RPS6KA5: variants seen among roughly 807,000 people sequenced by gnomAD.
RPS6KA5 encodes ribosomal protein S6 kinase A5, also known as ribosomal protein S6 kinase alpha-5.
RPS6KA5 carries 27 observed loss-of-function variants against 85.5 expected under a neutral mutation model. The observed-to-expected ratio is 0.32, with a 90% CI of 0.23 to 0.44. RPS6KA5 has a LOEUF of 0.44. RPS6KA5 is among the 20% of genes least tolerant of loss of function. The pLI is 1.00. For synonymous variants in RPS6KA5, 334 were observed against 348.2 expected, an observed-to-expected ratio of 0.96 and a Z score of 0.46; for missense variants, 811 against 980.9, an observed-to-expected ratio of 0.83 and a Z score of 2.31.
chr14:91,054,309 A>G (rs540571401), intron 1 of RPS6KA5, among the ~76,000 whole-genome samples: 1 of 152,238 alleles, frequency 6.6e-6, no homozygotes, highest in East Asian at 1.9e-4. Flanking sequence ...CAAGAATAAA[A>G]TGAAAAAGAA....
chr14:91,031,674 C>G (rs2042194407), intron 1 of RPS6KA5, among the ~76,000 whole-genome samples: 3 of 151,924 alleles, frequency 2.0e-5, no homozygotes, highest in African/African-American at 7.3e-5. Context: ...AATGAAAAGA[C>G]TGGGGTAATT....
chr14:90,906,679 G>A lies in RPS6KA5; in HGVS notation c.807-380C>T, dbSNP rs1036298494. 4.6e-5 allele frequency among the ~76,000 whole-genome samples: 7 copies of A among 152,062 alleles called. No homozygotes were observed. In the South Asian group the frequency reaches 6.2e-4, roughly 14 times the overall value. Reference sequence around the variant, plus strand: ...CATAAAACACTCTTAACAAATTCAGGTAAGGGAATTGAGCACTCAGATTTA... The same window carrying A: ...CATAAAACACTCTTAACAAATTCAGATAAGGGAATTGAGCACTCAGATTTA... On this transcript the variant is annotated intron_variant, in intron 7 of 16. Coordinates refer to ENST00000614987, the MANE Select transcript of RPS6KA5 (RefSeq NM_004755.4).
rs1055171468 is a variant in RPS6KA5, at chr14:90,871,505, A to G, written c.*569T>C. The G allele has an allele frequency of 7.1e-5, 10 of 141,002 alleles. No individual in the cohort carries two copies. The highest frequency in any genetic ancestry group is 2.7e-4 in the African/African-American group (10 of 37,600). 8.7% of individuals were successfully genotyped at this position (141,002 alleles called of 1,614,324 possible). On this transcript the variant is annotated 3_prime_UTR_variant, in exon 17 of 17. Transcript: ENST00000614987. Reference sequence around the variant, plus strand: ...TCTTATATCTTTTTTTTTTTTTTTCACTTTTTAGAAAAAGTTTAATAATAG... The same window carrying G: ...TCTTATATCTTTTTTTTTTTTTTTCGCTTTTTAGAAAAAGTTTAATAATAG...
chr14:90,910,092 T>TAA (rs200984997), intron 7 of RPS6KA5, among the ~76,000 whole-genome samples: 3 of 150,990 alleles, frequency 2.0e-5, no homozygotes, highest in African/African-American at 7.3e-5. Context: ...TTGCATTATT[T>TAA]AAAAAAAAAT....
At chr14:90,906,494 A>C (rs919853701) in intron 7 of RPS6KA5, among the ~76,000 whole-genome samples, 195 bp from the exon 8 acceptor site, 1 of 152,226 alleles carries the variant, frequency 6.6e-6, no homozygotes, top group Non-Finnish European at 1.5e-5. Context: ...GAAACTCAAA[A>C]GAGCAGTAAC....
At chr14:91,048,116 T>A (rs1318431578) in intron 1 of RPS6KA5, among the ~76,000 whole-genome samples, 3 of 152,178 alleles carry the variant, frequency 2.0e-5, no homozygotes, top group African/African-American at 7.2e-5. Flanking sequence ...GGGGGAGTGG[T>A]CATTATTCAG....
chr14:90,882,036 G>A (rs1234850218), intron 14 of RPS6KA5, among the ~76,000 whole-genome samples: 1 of 152,050 alleles, frequency 6.6e-6, no homozygotes, highest in Non-Finnish European at 1.5e-5. Context: ...TTTTCTATAT[G>A]CTTGATAACT....
chr14:90,885,594 T>C, intron 14 of RPS6KA5, among the ~76,000 whole-genome samples: 1 of 62,212 alleles, frequency 1.6e-5, no homozygotes. Flanking sequence ...AAAAAAAAAT[T>C]AGACGGGCGA....
In RPS6KA5 at chr14:90,873,779, A is replaced by G. The variant is rs779769989; in HGVS notation, c.2013T>C (p.Asp671=). Residue 671 remains aspartate, a synonymous_variant, in exon 16 of 17, where the codon GAT becomes GAC. Coordinates refer to ENST00000614987, the MANE Select transcript of RPS6KA5 (RefSeq NM_004755.4). ...KDLIQGLLTV[D]PNKRLKMSGL... is the part of the protein sequence containing the mutation. ...CAGACATTTTAAGCCTTTTGTTTGG[A>G]TCTACTGTGAGAAGTCCTTTGGGAA... 6.2e-7 allele frequency: 1 copy of G among 1,613,934 alleles called. No homozygotes were observed. Among genetic ancestry groups the G allele is most frequent in the Non-Finnish European group, 8.5e-7 (1 of 1,179,922 alleles).
rs543341561 is a variant in RPS6KA5 at position 90,913,204 on chromosome 14, C to T, written c.807-6905G>A. Among the ~76,000 whole-genome samples the T allele has an allele frequency of 1.1e-4, 17 of 152,144 alleles. No homozygotes were observed. The East Asian group carries it at 1.5e-3, about 14-fold the overall frequency. On this transcript the variant is annotated intron_variant, in intron 7 of 16. Coordinates refer to ENST00000614987, the MANE Select transcript of RPS6KA5 (RefSeq NM_004755.4). ...AGGATTATAGGCGTGTGAGCCACTG[C>T]GGCCGGCCACATGAAGCATCTTATT...
intron 11 of RPS6KA5, 99 bp from the exon 12 acceptor site, chr14:90,899,521 G>T: frequency 1.3e-6 from 1 of 758,004 alleles, no homozygotes; most frequent in Non-Finnish European, 2.3e-6. Flanking sequence ...AGTGCATTCA[G>T]AATATACATG....
chr14:91,049,140 T>C (rs1274286613), intron 1 of RPS6KA5, among the ~76,000 whole-genome samples: 2 of 152,226 alleles, frequency 1.3e-5, no homozygotes, highest in African/African-American at 4.8e-5. Context: ...ATTTTCTTAA[T>C]CTCTAAAATT....
rs2032139254 is a variant in RPS6KA5 at position 90,853,795 on chromosome 14, CTGTA to C, written c.*18275_*18278del. On this transcript the variant is annotated 3_prime_UTR_variant, in exon 17 of 17. Coordinates refer to ENST00000614987, the MANE Select transcript of RPS6KA5 (RefSeq NM_004755.4). Reference sequence around the variant, plus strand: ...TCTGGAATGTTATTCCCTCTTAAAGCTGTATTAGGTCTTTAGGAAATCAATGTGG... The same window carrying C: ...TCTGGAATGTTATTCCCTCTTAAAGCTTAGGTCTTTAGGAAATCAATGTGG... 1 of 151,950 alleles carries C rather than the reference CTGTA, an allele frequency of 6.6e-6. No individual in the cohort carries two copies. The allele number at this position is 151,950 out of a possible 1,614,324, so 9.4% of individuals were successfully genotyped here. A position where few individuals can be genotyped will look rare whatever the true frequency, so the allele number is the denominator to read the frequency against.
intron 8 of RPS6KA5, among the ~76,000 whole-genome samples, chr14:90,905,209 ATATT>A (rs1313242291): frequency 6.6e-6 from 1 of 152,002 alleles, no homozygotes; most frequent in Non-Finnish European, 1.5e-5. Flanking sequence ...TTTCTAATCA[ATATT>A]TATTTTTATA....
At chr14:91,002,171 C>T (rs1270263005) in intron 1 of RPS6KA5, among the ~76,000 whole-genome samples, 1 of 151,934 alleles carries the variant, frequency 6.6e-6, no homozygotes, top group African/African-American at 2.4e-5. Flanking sequence ...TCTCAGTTCC[C>T]AATAATGTAA....
At chr14:90,988,178 G>C (rs2040142097) in intron 2 of RPS6KA5, among the ~76,000 whole-genome samples, 2 of 152,192 alleles carry the variant, frequency 1.3e-5, no homozygotes, top group Admixed American at 1.3e-4. Flanking sequence ...CCTGAAACCA[G>C]GAAGACCTTT....
intron 2 of RPS6KA5, among the ~76,000 whole-genome samples, chr14:90,982,573 T>C (rs750917206): frequency 4.6e-5 from 7 of 152,276 alleles, no homozygotes; most frequent in Admixed American, 1.3e-4. Flanking sequence ...TGCATCAACA[T>C]GCAATGGCAT....
chr14:90,904,741 T>A (rs1455332559), intron 8 of RPS6KA5, among the ~76,000 whole-genome samples: 1 of 152,206 alleles, frequency 6.6e-6, no homozygotes, highest in East Asian at 1.9e-4. Flanking sequence ...TTTAGGCCTT[T>A]ACAAGTAGAA....
At chr14:90,880,440 A>G (rs1254082102) in intron 14 of RPS6KA5, among the ~76,000 whole-genome samples, 1 of 152,198 alleles carries the variant, frequency 6.6e-6, no homozygotes, top group East Asian at 1.9e-4. Flanking sequence ...ATGTTTTTGT[A>G]CATGTGAGAA....
Sources: gnomAD v4.1 joint callset for allele counts (sites outside exome capture counted in the v4.1 genomes callset) on GRCh38, gnomAD v4.1.1 for gene constraint, MANE v1.5 for transcripts, NCBI Gene and HGNC (gene_info 2026-07-23, HGNC 2026-07-21) for gene names.